The following EDRF1 variants were observed in gnomAD, a reference collection of about 807,000 sequenced individuals.
The protein encoded by EDRF1 is erythroid differentiation regulatory factor 1.
EDRF1 carries 69 observed loss-of-function variants against 148.7 expected under a neutral mutation model. The ratio of observed to expected loss-of-function variants is 0.46; its 90% CI spans 0.38 to 0.57. The LOEUF (loss-of-function observed/expected upper bound fraction) is 0.57. EDRF1 is among the 20% of genes least tolerant of loss of function. EDRF1 has a pLI of 0.00. For synonymous variants in EDRF1, 515 were observed against 532.8 expected (o/e 0.97, Z 0.46); for missense variants, 1,118 against 1,478.7 (o/e 0.76, Z 4.00).
chr10:125,725,531 T>G, intron 5 of EDRF1, 89 bp downstream of exon 5: 2 of 1,584,930 alleles, frequency 1.3e-6, no homozygotes, highest in Non-Finnish European at 1.7e-6. Context: ...TAATTTAAGT[T>G]TTGCCCCTGT....
Position 125,725,720 on chromosome 10 carries a change from C to T in EDRF1, c.674C>T (p.Thr225Ile), listed in dbSNP as rs1172016162. 6.2e-7 allele frequency: 1 copy of T among 1,613,992 alleles called. No homozygotes were observed. The highest frequency in any genetic ancestry group is 8.5e-7 in the Non-Finnish European group (1 of 1,180,036). The change falls in exon 6 of 25, where the codon ACC (threonine) becomes ATC (isoleucine). Residue 225 changes from threonine to isoleucine, a missense_variant. Coordinates refer to ENST00000356792, the MANE Select transcript of EDRF1 (RefSeq NM_001202438.2). Reference protein sequence around the residue: ...GDGAAQPVSSTAEQQESSSSD... With the variant: ...GDGAAQPVSSIAEQQESSSSD... ...GGAGCCGCTCAGCCTGTCTCATCCA[C>T]CGCAGAACAGCAGGAATCGTCCAGT...
intron 15 of EDRF1, among the ~76,000 whole-genome samples, chr10:125,739,277 A>G (rs1848895349): frequency 6.6e-6 from 1 of 152,338 alleles, no homozygotes. Flanking sequence ...TGCTGCTGGT[A>G]TGCCAGGCTT....
At chr10:125,760,531 TTAA>T (rs200353732) in intron 24 of EDRF1, among the ~76,000 whole-genome samples, 1 of 151,932 alleles carries the variant, frequency 6.6e-6, no homozygotes, top group Non-Finnish European at 1.5e-5. Context: ...TGATAATGTG[TTAA>T]TAAAATAAAC....
At chr10:125,744,536 G>T (rs554835642) in intron 18 of EDRF1, among the ~76,000 whole-genome samples, 2 of 152,252 alleles carry the variant, frequency 1.3e-5, no homozygotes, top group African/African-American at 4.8e-5. Context: ...TACAAATGTT[G>T]CCCTCAAAGA....
chr10:125,727,025 G>A (rs1235424836), intron 6 of EDRF1, among the ~76,000 whole-genome samples: 1 of 97,682 alleles, frequency 1.0e-5, no homozygotes, highest in Non-Finnish European at 2.2e-5. Context: ...CCATGTGTAT[G>A]TTTGTACAAG....
chr10:125,733,671 C>A lies in EDRF1; in HGVS notation c.1313C>A (p.Thr438Asn). The A allele has an allele frequency of 6.2e-7, 1 of 1,613,608 alleles. No homozygotes were observed. The highest frequency in any genetic ancestry group is 8.5e-7 in the Non-Finnish European group (1 of 1,179,616). ...GSDIVKLYDL[T>N]TLCEETEDKY... is the part of the protein sequence containing the mutation. ...GATATAGTGAAGCTCTATGACCTCA[C>A]TACTCTTTGTGAAGAAACTGAAGAC... Residue 438 changes from threonine (T) to asparagine (N), a missense_variant, in exon 11 of 25, where the codon ACT becomes AAT. Thr to Asn is a moderately conservative substitution (Grantham distance 65, BLOSUM62 0). Coordinates refer to ENST00000356792, the MANE Select transcript of EDRF1 (RefSeq NM_001202438.2).
intron 9 of EDRF1, chr10:125,731,816 A>G (rs1164381587): frequency 2.3e-6 from 1 of 436,412 alleles, no homozygotes. Context: ...ATTTTATCCA[A>G]GCACTTTGCT....
intron 24 of EDRF1, chr10:125,756,908 G>A: frequency 2.5e-6 from 1 of 405,018 alleles, no homozygotes; most frequent in Non-Finnish European, 4.8e-6. Context: ...AACTTCCTGG[G>A]CTCAAGCAAT....
chr10:125,756,808 T>A, intron 24 of EDRF1: 1 of 434,304 alleles, frequency 2.3e-6, no homozygotes, highest in Admixed American at 2.6e-5. Context: ...TTTTATTTAC[T>A]TATATTTATG....
At chr10:125,720,033 C>CGGCGA in intron 1 of EDRF1, 118 bp downstream of exon 1, 1 of 863,854 alleles carries the variant, frequency 1.2e-6, no homozygotes, top group Admixed American at 2.7e-5. Context: ...TTCCCTGACA[C>CGGCGA]CCCCAAAACA....
intron 2 of EDRF1, among the ~76,000 whole-genome samples, chr10:125,721,838 CCAG>C (rs1848021694): frequency 6.6e-6 from 1 of 152,074 alleles, no homozygotes; most frequent in African/African-American, 2.4e-5. Flanking sequence ...ATTTAAAAAC[CCAG>C]CATGTTGGGT....
At chr10:125,738,209 A>G (rs1848833440) in intron 14 of EDRF1, 86 bp from the exon 15 acceptor site, 1 of 1,534,406 alleles carries the variant, frequency 6.5e-7, no homozygotes, top group Non-Finnish European at 9.0e-7. Context: ...TCCTAAACGT[A>G]TTCAGTAGTC....
At chr10:125,720,810 CAAA>C (rs34319808) in intron 1 of EDRF1, among the ~76,000 whole-genome samples, 333 of 131,782 alleles carry the variant, frequency 2.5e-3, no homozygotes, top group South Asian at 5.1e-3. Flanking sequence ...GACTGCGTCT[CAAA>C]AAAAAAAAAA....
chr10:125,735,093 C>T (rs1848661196), intron 12 of EDRF1, among the ~76,000 whole-genome samples: 1 of 151,960 alleles, frequency 6.6e-6, no homozygotes, highest in South Asian at 2.1e-4. Context: ...AGACTATTGT[C>T]TGTGATTAAG....
intron 24 of EDRF1, among the ~76,000 whole-genome samples, chr10:125,757,696 G>C (rs781741886): frequency 1.1e-4 from 16 of 152,226 alleles, no homozygotes; most frequent in Non-Finnish European, 2.2e-4. Flanking sequence ...TCTTTGAGCA[G>C]AGTATAGAAT....
At chr10:125,743,992 A>G (rs1438502724) in intron 18 of EDRF1, among the ~76,000 whole-genome samples, 2 of 152,228 alleles carry the variant, frequency 1.3e-5, no homozygotes, top group Admixed American at 1.3e-4. Context: ...ACTATGGAAC[A>G]TGTATGTGAA....
intron 12 of EDRF1, 44 bp from the exon 13 acceptor site, chr10:125,735,600 T>G: frequency 6.3e-7 from 1 of 1,594,888 alleles, no homozygotes. Flanking sequence ...TTCATGTATT[T>G]TTTGATGACA....
chr10:125,741,007 A>C lies in EDRF1; in HGVS notation c.2177A>C (p.Tyr726Ser), dbSNP rs1848992016. ...IKLALQSHDT[Y>S]CCLCTNMLSE... ...TCCCTCCCTTTCTAAACAGATACTT[A>C]TTGCTGCCTCTGCACCAATATGCTT... The change falls in exon 17 of 25, where the codon TAT becomes TCT. Residue 726 changes from tyrosine (Y) to serine (S), a missense_variant. Physicochemically the swap from Tyr to Ser is moderately radical, Grantham distance 144 (BLOSUM62 -2). Transcript: ENST00000356792. 6.2e-7 allele frequency: 1 copy of C among 1,613,928 alleles called. No homozygotes were observed. Among genetic ancestry groups the C allele is most frequent in the Non-Finnish European group, 8.5e-7 (1 of 1,180,038 alleles).
chr10:125,721,166 G>A (rs1379671817), intron 1 of EDRF1, 38 bp from the exon 2 acceptor site: 1 of 1,603,408 alleles, frequency 6.2e-7, no homozygotes, highest in East Asian at 2.2e-5. Flanking sequence ...TTCGTTCTTA[G>A]TAATTTTCAT....
Sources: gnomAD v4.1 joint callset for allele counts (sites outside exome capture counted in the v4.1 genomes callset) on GRCh38, gnomAD v4.1.1 for gene constraint, MANE v1.5 for transcripts, NCBI Gene and HGNC (gene_info 2026-07-23, HGNC 2026-07-21) for gene names.